Variants in SGCZ observed in about 807,000 individuals in gnomAD.
The protein encoded by SGCZ is zeta-sarcoglycan.
SGCZ carries 40 observed loss-of-function variants against 41.3 expected under a neutral mutation model. That is an observed-to-expected ratio of 0.97 (90% CI 0.75 to 1.26). The LOEUF (loss-of-function observed/expected upper bound fraction) is 1.26. SGCZ is among the 50% of genes most tolerant of loss of function. The pLI is 0.00. For missense variants in SGCZ, 552 were observed against 369.8 expected, an observed-to-expected ratio of 1.49 and a Z score of -4.04; for synonymous variants, 206 against 137.5, an observed-to-expected ratio of 1.50 and a Z score of -3.49.
At chr8:14,789,917 A>G (rs934129746) in intron 1 of SGCZ, among the ~76,000 whole-genome samples, 1 of 152,186 alleles carries the variant, frequency 6.6e-6, no homozygotes, top group African/African-American at 2.4e-5. Context: ...ATGAAAACAG[A>G]GAATGTTTTC....
At chr8:14,707,913 G>T (rs935812981) in intron 1 of SGCZ, among the ~76,000 whole-genome samples, 4 of 151,846 alleles carry the variant, frequency 2.6e-5, no homozygotes, top group Admixed American at 6.6e-5. Flanking sequence ...TAATGTAAAT[G>T]GAAAATGGGT....
chr8:14,690,467 A>C (rs1214804111), intron 1 of SGCZ: 1 of 152,120 alleles, frequency 6.6e-6, no homozygotes, highest in African/African-American at 2.4e-5. Flanking sequence ...TGATCTAAGA[A>C]CATTGCAACC....
rs2116984959 is a variant in SGCZ, at chr8:15,136,208, G to C, written c.39+101377C>G. 1.3e-5 allele frequency among the ~76,000 whole-genome samples: 2 copies of C among 152,176 alleles called. 1 individual carries two copies. The highest frequency in any genetic ancestry group is 4.1e-4 in the South Asian group (2 of 4,824). On this transcript the variant is annotated intron_variant, in intron 1 of 7. Transcript: ENST00000382080. ...GAGTAGAGTCCTGCCTCCTACCTCAGTACCCTGCTCAGGATCATTTTGTAT... is the reference window on the plus strand; with the variant it reads ...GAGTAGAGTCCTGCCTCCTACCTCACTACCCTGCTCAGGATCATTTTGTAT...
At chr8:14,392,541 T>C (rs1804813346) in intron 2 of SGCZ, among the ~76,000 whole-genome samples, 1 of 152,174 alleles carries the variant, frequency 6.6e-6, no homozygotes, top group Non-Finnish European at 1.5e-5. Flanking sequence ...ACTATATTCA[T>C]TTCAGATATA....
intron 3 of SGCZ, among the ~76,000 whole-genome samples, chr8:14,246,616 A>G (rs2117194503): frequency 6.6e-6 from 1 of 151,834 alleles, no homozygotes; most frequent in East Asian, 1.9e-4. Flanking sequence ...AAAAAGAAAT[A>G]AAAAGTAAAA....
intron 2 of SGCZ, among the ~76,000 whole-genome samples, chr8:14,373,936 A>G (rs1314435416): frequency 6.6e-6 from 1 of 152,180 alleles, no homozygotes; most frequent in East Asian, 1.9e-4. Context: ...ACGTTTACCT[A>G]TGTAACAAAC....
At chr8:14,967,804 C>T (rs1801168932) in intron 1 of SGCZ, among the ~76,000 whole-genome samples, 1 of 152,088 alleles carries the variant, frequency 6.6e-6, no homozygotes, top group African/African-American at 2.4e-5. Context: ...TCAAGGAAAA[C>T]TTGGAGTGAA....
chr8:14,817,664 G>A (rs1433712787), intron 1 of SGCZ, among the ~76,000 whole-genome samples: 1 of 152,144 alleles, frequency 6.6e-6, no homozygotes, highest in Non-Finnish European at 1.5e-5. Context: ...CTCAATGTCT[G>A]AACCCACATG....
chr8:14,496,890 A>T (rs1416797757), intron 2 of SGCZ, among the ~76,000 whole-genome samples: 1 of 152,016 alleles, frequency 6.6e-6, no homozygotes, highest in East Asian at 1.9e-4. Flanking sequence ...TTTATTTCTA[A>T]TTTTTTTCAC....
rs565063510 is a variant in SGCZ, at chr8:14,688,901, C to G, written c.40-133975G>C. On this transcript the variant is annotated intron_variant, in intron 1 of 7. Transcript: ENST00000382080. ...CCCAAAATGTCCTTAAGCTGATAAG[C>G]AACTTCAGCAAAGTCTCAGGATACA... 6.3e-3 allele frequency among the ~76,000 whole-genome samples: 965 copies of G among 152,020 alleles called. 10 individuals are homozygous for G. Among genetic ancestry groups the G allele is most frequent in the Middle Eastern group, 0.031 (9 of 292 alleles).
intron 1 of SGCZ, among the ~76,000 whole-genome samples, chr8:14,834,886 C>T (rs1002570431): frequency 6.6e-6 from 1 of 152,132 alleles, no homozygotes; most frequent in Non-Finnish European, 1.5e-5. Context: ...CTTGCATCAC[C>T]TGCAAAAGAA....
At chr8:15,224,463 A>T (rs1369595338) in intron 1 of SGCZ, among the ~76,000 whole-genome samples, 2 of 152,194 alleles carry the variant, frequency 1.3e-5, no homozygotes, top group African/African-American at 4.8e-5. Flanking sequence ...AAAGAAAACG[A>T]CTTTATCAGA....
chr8:14,367,022 C>T (rs1354485003), intron 2 of SGCZ, among the ~76,000 whole-genome samples: 1 of 152,188 alleles, frequency 6.6e-6, no homozygotes, highest in Admixed American at 6.5e-5. Flanking sequence ...TTCTTTTCTA[C>T]TGCATTGTCA....
At chr8:15,085,853 C>T (rs980111318) in intron 1 of SGCZ, among the ~76,000 whole-genome samples, 40 of 152,094 alleles carry the variant, frequency 2.6e-4, no homozygotes, top group African/African-American at 8.2e-4. Flanking sequence ...GTCTGCATAC[C>T]CCTGTGGATA....
chr8:15,010,393 A>G (rs1391151592), intron 1 of SGCZ, among the ~76,000 whole-genome samples: 1 of 152,228 alleles, frequency 6.6e-6, no homozygotes, highest in African/African-American at 2.4e-5. Context: ...CAAGACTTTC[A>G]GAGTACATTA....
chr8:14,432,752 A>G lies in SGCZ; in HGVS notation c.235-108548T>C, dbSNP rs560889959. Among the ~76,000 whole-genome samples, 282 of 152,076 alleles carry G rather than the reference A, an allele frequency of 1.9e-3. 1 individual carries two copies. The highest frequency in any genetic ancestry group is 3.1e-3 in the Non-Finnish European group (213 of 67,970). On this transcript the variant is annotated intron_variant, in intron 2 of 7. Coordinates refer to ENST00000382080, the MANE Select transcript of SGCZ (RefSeq NM_139167.4). Reference sequence around the variant, plus strand: ...AACGTGGTGAAACTCTATTTCTGCTAAAAATACAAAAATTAGCCAGGCGTG... The same window carrying G: ...AACGTGGTGAAACTCTATTTCTGCTGAAAATACAAAAATTAGCCAGGCGTG...
At chr8:14,778,469 G>A (rs1294943530) in intron 1 of SGCZ, among the ~76,000 whole-genome samples, 5 of 151,968 alleles carry the variant, frequency 3.3e-5, no homozygotes, top group African/African-American at 1.2e-4. Flanking sequence ...AGACTCTACT[G>A]TCCCCAAAAG....
At chr8:14,992,813 T>C (rs990602117) in intron 1 of SGCZ, among the ~76,000 whole-genome samples, 4 of 147,730 alleles carry the variant, frequency 2.7e-5, no homozygotes, top group Non-Finnish European at 4.5e-5. Context: ...ACCCTTGATA[T>C]TTACCCCTCC....
chr8:14,296,944 G>A (rs10086111), intron 3 of SGCZ, among the ~76,000 whole-genome samples: 7,396 of 151,220 alleles, frequency 0.049, 197 homozygotes, highest in Middle Eastern at 0.096. Context: ...TTTTTGAGTC[G>A]GATTTTCGCT....
Sources: gnomAD v4.1 joint callset for allele counts (sites outside exome capture counted in the v4.1 genomes callset) on GRCh38, gnomAD v4.1.1 for gene constraint, MANE v1.5 for transcripts, NCBI Gene and HGNC (gene_info 2026-07-23, HGNC 2026-07-21) for gene names.